GLRA2: variants seen among roughly 807,000 people sequenced by gnomAD.
The protein encoded by GLRA2 is glycine receptor subunit alpha-2.
Under a neutral mutation model 31.6 loss-of-function variants are expected in GLRA2, and 11 were observed. That is an observed-to-expected ratio of 0.35 (90% CI 0.22 to 0.58). GLRA2 has a LOEUF of 0.58. GLRA2 is among the 20% of genes least tolerant of loss of function. The pLI is 0.84. For synonymous variants in GLRA2, 132 were observed against 134.0 expected, an observed-to-expected ratio of 0.99 and a Z score of 0.10; for missense variants, 212 against 351.8, an observed-to-expected ratio of 0.60 and a Z score of 3.18.
intron 7 of GLRA2, among the ~76,000 whole-genome samples, chrX:14,658,641 T>C (rs5934185): frequency 0.26 from 29,045 of 110,409 alleles, 2,939 homozygotes; most frequent in Middle Eastern, 0.32. Context: ...CCTACAGTAG[T>C]TTTGTATCCT....
At chrX:14,538,385 T>C (rs944365032) in intron 2 of GLRA2, among the ~76,000 whole-genome samples, 1 of 111,887 alleles carries the variant, frequency 8.9e-6, no homozygotes, top group African/African-American at 3.2e-5. Context: ...AATTCCACCA[T>C]TTTTCTTTCA....
intron 7 of GLRA2, among the ~76,000 whole-genome samples, chrX:14,656,805 T>C (rs1235484513): frequency 8.9e-6 from 1 of 111,910 alleles, no homozygotes; most frequent in Non-Finnish European, 1.9e-5. Context: ...TAAATAAAAA[T>C]ATGAAGCAGG....
the GLRA2 span, among the ~76,000 whole-genome samples, chrX:14,476,806 A>G: frequency 3.6e-5 from 4 of 112,119 alleles, no homozygotes; most frequent in African/African-American, 9.7e-5. Context: ...TAGCCATTCT[A>G]TTAGGTTCGT....
chrX:14,719,285 C>T, intron 8 of GLRA2, among the ~76,000 whole-genome samples: 1 of 111,965 alleles, frequency 8.9e-6, no homozygotes, highest in East Asian at 2.8e-4. Context: ...TAGGAGAAGA[C>T]ACTTTCAAAC....
intron 4 of GLRA2, among the ~76,000 whole-genome samples, chrX:14,585,032 A>G (rs1388499314): frequency 9.0e-6 from 1 of 111,500 alleles, no homozygotes; most frequent in Non-Finnish European, 1.9e-5. Context: ...AGCATAGCAC[A>G]TTACAGGCCC....
chrX:14,484,471 C>T, the GLRA2 span, among the ~76,000 whole-genome samples: 1 of 111,691 alleles, frequency 9.0e-6, no homozygotes, highest in Non-Finnish European at 1.9e-5. Flanking sequence ...AGCAGTTAAC[C>T]CAACTGGATG....
chrX:14,458,859 A>G, the GLRA2 span, among the ~76,000 whole-genome samples: 1 of 111,750 alleles, frequency 8.9e-6, no homozygotes, highest in Non-Finnish European at 1.9e-5. Context: ...TTTGCTGTGC[A>G]GAAGCTCTTT....
intron 7 of GLRA2, 77 bp downstream of exon 7, chrX:14,609,282 A>G: frequency 4.7e-6 from 3 of 636,385 alleles, no homozygotes; most frequent in Admixed American, 5.7e-5. Flanking sequence ...CTGTGAGGAC[A>G]GAAATGTTGG....
At chrX:14,638,318 A>C (rs1436951477) in intron 7 of GLRA2, among the ~76,000 whole-genome samples, 7 of 111,098 alleles carry the variant, frequency 6.3e-5, no homozygotes, top group Non-Finnish European at 1.3e-4. Flanking sequence ...CCATATCTTC[A>C]AAAAAACCTA....
At chrX:14,502,399 A>G in the GLRA2 span, among the ~76,000 whole-genome samples, 1 of 112,201 alleles carries the variant, frequency 8.9e-6, no homozygotes, top group Non-Finnish European at 1.9e-5. Flanking sequence ...ACAAATACAC[A>G]TAATACATAT....
chrX:14,667,764 G>A (rs1374777452), intron 7 of GLRA2, among the ~76,000 whole-genome samples: 2 of 110,883 alleles, frequency 1.8e-5, no homozygotes, highest in East Asian at 5.6e-4. Context: ...CCCAAAATAA[G>A]CAACTTATCT....
chrX:14,505,959 T>C, the GLRA2 span, among the ~76,000 whole-genome samples: 1 of 111,252 alleles, frequency 9.0e-6, no homozygotes, highest in African/African-American at 3.3e-5. Context: ...AGAAATCCCA[T>C]GATGCCTTGG....
At chrX:14,568,763 A>G (rs184177534) in intron 2 of GLRA2, among the ~76,000 whole-genome samples, 3 of 110,690 alleles carry the variant, frequency 2.7e-5, no homozygotes, top group African/African-American at 9.8e-5. Context: ...CATGCAAAAC[A>G]ATGAAGTTGG....
chrX:14,451,349 G>A, the GLRA2 span, among the ~76,000 whole-genome samples: 1 of 110,700 alleles, frequency 9.0e-6, no homozygotes, highest in Admixed American at 9.7e-5. Context: ...GCACAGAGTG[G>A]GCTGGGTGTG....
chrX:14,581,766 GCACA>G (rs57962541), intron 4 of GLRA2, among the ~76,000 whole-genome samples: 20,075 of 90,602 alleles, frequency 0.22, 1,776 homozygotes, highest in Non-Finnish European at 0.27. Context: ...ATTCAAGCAT[GCACA>G]CACACACACA....
intron 8 of GLRA2, among the ~76,000 whole-genome samples, chrX:14,725,002 C>G (rs1392207558): frequency 1.8e-5 from 2 of 111,363 alleles, no homozygotes; most frequent in African/African-American, 3.3e-5. Flanking sequence ...CAAATCAAAC[C>G]CAGAGACTTT....
intron 4 of GLRA2, among the ~76,000 whole-genome samples, chrX:14,591,847 G>A (rs769361744): frequency 8.9e-6 from 1 of 111,914 alleles, no homozygotes; most frequent in East Asian, 2.8e-4. Flanking sequence ...GCAACCAGTA[G>A]GTTTTCTTCC....
chrX:14,548,687 G>C (rs778604200), intron 2 of GLRA2, among the ~76,000 whole-genome samples: 4 of 111,595 alleles, frequency 3.6e-5, no homozygotes, highest in Non-Finnish European at 7.5e-5. Context: ...TATCCAAATA[G>C]AATCCCTGGC....
At chrX:14,655,190 G>A (rs942979341) in intron 7 of GLRA2, among the ~76,000 whole-genome samples, 1 of 111,685 alleles carries the variant, frequency 9.0e-6, no homozygotes, top group African/African-American at 3.3e-5. Flanking sequence ...CTTGCACATG[G>A]GGACTTCTCT....
Sources: allele counts gnomAD v4.1 joint callset (sites outside exome capture counted in the v4.1 genomes callset), GRCh38; gene constraint gnomAD v4.1.1; transcripts MANE v1.5; gene names NCBI Gene and HGNC (gene_info 2026-07-23, HGNC 2026-07-21).